ANKRD44: variants seen among roughly 807,000 people sequenced by gnomAD.
The protein encoded by ANKRD44 is serine/threonine-protein phosphatase 6 regulatory ankyrin repeat subunit B.
Under a neutral mutation model 116.0 loss-of-function variants are expected in ANKRD44, and 35 were observed. The ratio of observed to expected loss-of-function variants is 0.30; its 90% CI spans 0.23 to 0.40. The LOEUF (loss-of-function observed/expected upper bound fraction) is 0.40. ANKRD44 is among the 10% of genes least tolerant of loss of function. The probability of loss-of-function intolerance (pLI) is 1.00; values close to 1 mark genes in which losing one functional copy is unlikely to be tolerated. For missense variants in ANKRD44, 1,014 were observed against 1,242.6 expected, an observed-to-expected ratio of 0.82 and a Z score of 2.77; for synonymous variants, 435 against 461.8, an observed-to-expected ratio of 0.94 and a Z score of 0.74.
chr2:196,981,087 C>T (rs537469872), intron 21 of ANKRD44, among the ~76,000 whole-genome samples: 2 of 152,182 alleles, frequency 1.3e-5, no homozygotes, highest in East Asian at 1.9e-4. Context: ...AACTATACCA[C>T]CTGTGAAATC....
chr2:197,133,140 C>T (rs1025437002), intron 4 of ANKRD44, among the ~76,000 whole-genome samples: 3 of 152,218 alleles, frequency 2.0e-5, no homozygotes, highest in African/African-American at 7.2e-5. Flanking sequence ...ACCACGTTGG[C>T]AAGGGGCAGT....
chr2:197,085,149 T>C (rs1553504310), intron 13 of ANKRD44, among the ~76,000 whole-genome samples: 2 of 152,248 alleles, frequency 1.3e-5, no homozygotes, highest in Non-Finnish European at 2.9e-5. Flanking sequence ...AATTATTTCA[T>C]ATTTTATAGT....
downstream of ANKRD44, among the ~76,000 whole-genome samples, chr2:196,984,058 G>A (rs1317688196): frequency 6.6e-6 from 1 of 152,194 alleles, no homozygotes; most frequent in African/African-American, 2.4e-5. Context: ...TTCTCGTTCT[G>A]AGGGCATATA....
intron 1 of ANKRD44, among the ~76,000 whole-genome samples, chr2:197,276,121 A>G (rs2083074362): frequency 6.6e-6 from 1 of 151,890 alleles, no homozygotes; most frequent in South Asian, 2.1e-4. Flanking sequence ...AGTAAAAATA[A>G]AAAATTAGCC....
chr2:197,289,478 C>T (rs2083500707), intron 1 of ANKRD44, among the ~76,000 whole-genome samples: 1 of 152,170 alleles, frequency 6.6e-6, no homozygotes, highest in Non-Finnish European at 1.5e-5. Context: ...CCCAAATTTC[C>T]ATCAACAGAT....
intron 1 of ANKRD44, among the ~76,000 whole-genome samples, chr2:197,265,142 A>G (rs1252956813): frequency 1.3e-5 from 2 of 151,978 alleles, no homozygotes; most frequent in East Asian, 3.9e-4. Flanking sequence ...GTGCAAAGAC[A>G]TCATGAGCCC....
intron 2 of ANKRD44, among the ~76,000 whole-genome samples, chr2:197,151,373 C>G (rs933527132): frequency 6.6e-6 from 1 of 152,154 alleles, no homozygotes; most frequent in African/African-American, 2.4e-5. Flanking sequence ...AGATGGAGAA[C>G]AGGGATGACA....
chr2:197,014,164 A>C (rs2076346282), intron 17 of ANKRD44, among the ~76,000 whole-genome samples: 1 of 152,186 alleles, frequency 6.6e-6, no homozygotes, highest in South Asian at 2.1e-4. Context: ...GTGGACTTTG[A>C]GATACAACAG....
chr2:197,230,300 G>T (rs2081827794), intron 1 of ANKRD44, among the ~76,000 whole-genome samples: 1 of 151,980 alleles, frequency 6.6e-6, no homozygotes, highest in Non-Finnish European at 1.5e-5. Context: ...AACTGTGTGG[G>T]GAATACAGCT....
At chr2:197,083,589 T>C (rs918256265) in intron 13 of ANKRD44, 80 bp from the exon 14 acceptor site, 28 of 1,489,846 alleles carry the variant, frequency 1.9e-5, no homozygotes, top group Middle Eastern at 1.8e-4. Context: ...GGCAGCAGTA[T>C]GCCTAGGGCA....
intron 2 of ANKRD44, among the ~76,000 whole-genome samples, chr2:197,159,164 C>T (rs1398632409): frequency 6.6e-6 from 1 of 152,168 alleles, no homozygotes; most frequent in Non-Finnish European, 1.5e-5. Flanking sequence ...AAAGCAAAAG[C>T]TTATATATAG....
intron 1 of ANKRD44, among the ~76,000 whole-genome samples, chr2:197,253,395 T>C (rs1047122092): frequency 1.7e-4 from 26 of 152,174 alleles, no homozygotes; most frequent in African/African-American, 6.3e-4. Flanking sequence ...ATTAATGTAT[T>C]CAATAATGTC....
At chr2:197,147,770 T>C (rs1230459903) in intron 2 of ANKRD44, 5 of 392,574 alleles carry the variant, frequency 1.3e-5, no homozygotes, top group African/African-American at 2.1e-5. Flanking sequence ...CATGAGATTA[T>C]TTCAGATAAA....
rs138330364 is a variant in ANKRD44, at chr2:197,218,751, C to CTTTTTTTTTTTTTTTTTTTTTT, written c.28-31667_28-31646dup. Among the ~76,000 whole-genome samples, 37 of 52,346 alleles carry CTTTTTTTTTTTTTTTTTTTTTT rather than the reference C, an allele frequency of 7.1e-4. 9 individuals carry two copies. Among genetic ancestry groups the CTTTTTTTTTTTTTTTTTTTTTT allele is most frequent in the Non-Finnish European group, 7.0e-4 (20 of 28,402 alleles). 34.3% of individuals were successfully genotyped at this position (52,346 alleles called of 152,430 possible). ...TTCCTGGTATGGGAGGGTAAAGTCC[C>CTTTTTTTTTTTTTTTTTTTTTT]TTTTTTTTTTTTTTTTTTTTTTTTT... On this transcript the variant is annotated intron_variant, in intron 1 of 27. Coordinates refer to ENST00000282272, the MANE Select transcript of ANKRD44 (RefSeq NM_001195144.2).
chr2:197,183,719 A>G (rs901688839), intron 2 of ANKRD44, among the ~76,000 whole-genome samples: 1 of 152,148 alleles, frequency 6.6e-6, no homozygotes, highest in Non-Finnish European at 1.5e-5. Context: ...GGGCCTGTGG[A>G]TCCCAAAAAG....
chr2:197,291,194 G>A (rs190412576), intron 1 of ANKRD44, among the ~76,000 whole-genome samples: 70 of 152,188 alleles, frequency 4.6e-4, no homozygotes, highest in Admixed American at 4.5e-3. Context: ...GGGTAACAGA[G>A]TGAGACCCTG....
chr2:197,245,067 C>T (rs1232584675), intron 1 of ANKRD44, among the ~76,000 whole-genome samples: 5 of 152,154 alleles, frequency 3.3e-5, no homozygotes, highest in African/African-American at 1.2e-4. Context: ...TTGAGACCAA[C>T]CTGGCCAACA....
chr2:197,216,524 C>T (rs1416073696), intron 1 of ANKRD44, among the ~76,000 whole-genome samples: 1 of 152,152 alleles, frequency 6.6e-6, no homozygotes, highest in Non-Finnish European at 1.5e-5. Flanking sequence ...CATTTCCCTC[C>T]GCTGTTCTCA....
chr2:197,088,494 AAAG>A (rs778992321), intron 12 of ANKRD44, among the ~76,000 whole-genome samples: 52 of 152,198 alleles, frequency 3.4e-4, no homozygotes, highest in African/African-American at 1.7e-4. Flanking sequence ...GAAGAAAACA[AAAG>A]AAGAACTATT....
Sources: gnomAD v4.1 joint callset for allele counts (sites outside exome capture counted in the v4.1 genomes callset) on GRCh38, gnomAD v4.1.1 for gene constraint, MANE v1.5 for transcripts, NCBI Gene and HGNC (gene_info 2026-07-23, HGNC 2026-07-21) for gene names.